The following PEPD variants were observed in gnomAD, a reference collection of about 807,000 sequenced individuals.
PEPD encodes peptidase D, also known as xaa-Pro dipeptidase.
A neutral mutation model predicts 60.7 loss-of-function variants in PEPD; 53 were observed. The observed-to-expected ratio is 0.87, with a 90% CI of 0.70 to 1.10. The LOEUF (loss-of-function observed/expected upper bound fraction) is 1.10, where lower values mean the gene tolerates loss of function less well. Ranked by LOEUF, PEPD falls within the 50% of genes least tolerant of loss-of-function variation. PEPD has a pLI of 0.00. For missense variants in PEPD, 711 were observed against 711.9 expected, an observed-to-expected ratio of 1.00 and a Z score of 0.01; for synonymous variants, 267 against 284.1, an observed-to-expected ratio of 0.94 and a Z score of 0.60.
intron 11 of PEPD, among the ~76,000 whole-genome samples, chr19:33,403,850 C>T (rs1398353757): frequency 6.6e-6 from 1 of 152,192 alleles, no homozygotes; most frequent in Non-Finnish European, 1.5e-5. Flanking sequence ...GGGAGGAGCC[C>T]CGCCTGCATG....
intron 9 of PEPD, among the ~76,000 whole-genome samples, chr19:33,446,036 G>C (rs376988986): frequency 2.0e-5 from 3 of 152,162 alleles, no homozygotes; most frequent in South Asian, 2.1e-4. Context: ...CAGCCTGTTC[G>C]GGATTCATTT....
chr19:33,447,059 C>T (rs773636702), intron 9 of PEPD, among the ~76,000 whole-genome samples: 1 of 152,218 alleles, frequency 6.6e-6, no homozygotes, highest in Non-Finnish European at 1.5e-5. Context: ...AGCTATGGTG[C>T]ACTTCGCCCT....
intron 9 of PEPD, among the ~76,000 whole-genome samples, chr19:33,459,333 C>G (rs188691026): frequency 6.6e-6 from 1 of 152,174 alleles, no homozygotes; most frequent in Non-Finnish European, 1.5e-5. Flanking sequence ...ATACACATCG[C>G]GTTATTAATC....
chr19:33,430,507 G>A (rs568776973), intron 9 of PEPD, among the ~76,000 whole-genome samples: 3 of 152,232 alleles, frequency 2.0e-5, no homozygotes, highest in African/African-American at 7.2e-5. Context: ...ATCAAAGCCC[G>A]TCTGTCTGTG....
chr19:33,411,737 T>A lies in PEPD; in HGVS notation c.753A>T (p.Ser251=), dbSNP rs190681033. The A allele has an allele frequency of 1.9e-6, 3 of 1,606,814 alleles. No individual in the cohort carries two copies. In the Admixed American group the frequency reaches 5.0e-5, roughly 27 times the overall value. Residue 251 remains serine, a synonymous_variant, in exon 11 of 15, where the codon TCA becomes TCT. Coordinates refer to ENST00000244137, the MANE Select transcript of PEPD (RefSeq NM_000285.4). ...CGGCGTGTCCGTAGTGTAGCACGGC[T>A]GAGTTCTCACCACTGCAAAGAGCCG... The part of the protein sequence containing the change: ...YTCICGSGEN[S]AVLHYGHAGA...
intron 9 of PEPD, among the ~76,000 whole-genome samples, chr19:33,438,438 G>A (rs148923583): frequency 0.011 from 1,676 of 152,356 alleles, 25 homozygotes; most frequent in South Asian, 0.071. Context: ...GCAGGTCCAA[G>A]GGTCTCTCTC....
chr19:33,404,125 G>T (rs928965907), intron 11 of PEPD, among the ~76,000 whole-genome samples: 13 of 152,194 alleles, frequency 8.5e-5, no homozygotes, highest in African/African-American at 3.1e-4. Flanking sequence ...AACCTTCACG[G>T]CCTCAGTTTT....
intron 4 of PEPD, among the ~76,000 whole-genome samples, chr19:33,496,834 A>ATT (rs200414662): frequency 0.083 from 12,617 of 152,294 alleles, 719 homozygotes; most frequent in East Asian, 0.24. Context: ...GGGGACAATC[A>ATT]GAGGCTTCCC....
In PEPD at chr19:33,463,150, A is replaced by G. The variant is rs1969960714; in HGVS notation, c.625-109T>C. The stretch of plus-strand genomic sequence containing the variant: ...AAAGCACCTCTTCTTTAAAAAGGAA[A>G]AAAAGAATGATATGTGCATGCAGTG... On this transcript the variant is annotated intron_variant, in intron 8 of 14. Transcript: ENST00000244137. 3.8e-6 allele frequency: 3 copies of G among 793,576 alleles called. No homozygotes were observed. The East Asian group carries it at 7.3e-5, about 19-fold the overall frequency. 49.2% of individuals were successfully genotyped at this position (793,576 alleles called of 1,614,324 possible). A position where few individuals can be genotyped will look rare whatever the true frequency, so the allele number is the denominator to read the frequency against.
At position 33,513,436 on chromosome 19, in the gene PEPD, A is replaced by C. The variant is rs548920480; in HGVS notation, c.18-660T>G. 3.9e-5 allele frequency among the ~76,000 whole-genome samples: 6 copies of C among 152,164 alleles called. No homozygotes were observed. In the South Asian group the frequency reaches 1.2e-3, roughly 32 times the overall value. ...GCCTCCCCCGACACAAAGCACCTGC[A>C]CCTGGACAGTCCCAAAGGCCATCCT... On this transcript the variant is annotated intron_variant, in intron 1 of 14. Coordinates refer to ENST00000244137, the MANE Select transcript of PEPD (RefSeq NM_000285.4).
intron 9 of PEPD, among the ~76,000 whole-genome samples, chr19:33,416,901 T>C (rs935188021): frequency 6.6e-6 from 1 of 152,088 alleles, no homozygotes; most frequent in Non-Finnish European, 1.5e-5. Context: ...TGCCAGGAGA[T>C]GACAAATGGG....
intron 9 of PEPD, among the ~76,000 whole-genome samples, chr19:33,452,015 T>C (rs887910613): frequency 2.0e-5 from 3 of 152,204 alleles, no homozygotes; most frequent in African/African-American, 7.2e-5. Context: ...CTGATTCATG[T>C]ACACCAAAGT....
At position 33,511,020 on chromosome 19, in the gene PEPD, C is replaced by T; in HGVS notation, c.329+8G>A. On this transcript the variant is annotated splice_region_variant and intron_variant, in intron 3 of 14. Transcript: ENST00000244137. The stretch of plus-strand genomic sequence containing the variant: ...TAGCCATGGTGCCCTGGCCAGGCTG[C>T]TCCTTACTTTCCCATCCAGGTGGCA... 1.2e-6 allele frequency: 2 copies of T among 1,612,188 alleles called. No individual in the cohort carries two copies. The highest frequency in any genetic ancestry group is 2.2e-5 in the South Asian group (2 of 90,676).
chr19:33,477,999 T>G lies in PEPD; in HGVS notation c.548+47A>C, dbSNP rs753194722. 40 of 1,379,642 alleles carry G rather than the reference T, an allele frequency of 2.9e-5. No individual in the cohort carries two copies. The African/African-American group carries it at 5.3e-4, about 18-fold the overall frequency. The allele number at this position is 1,379,642 out of a possible 1,614,324, so 85.5% of individuals were successfully genotyped here. Reference sequence around the variant, plus strand: ...GGAACAACAGGGCATTCCATCCCCATGAGCCGAGCACAACAAACAGGCAAG... The same window carrying G: ...GGAACAACAGGGCATTCCATCCCCAGGAGCCGAGCACAACAAACAGGCAAG... On this transcript the variant is annotated intron_variant, in intron 7 of 14. Transcript: ENST00000244137.
chr19:33,489,573 G>A (rs562866506), intron 6 of PEPD, among the ~76,000 whole-genome samples: 1 of 152,074 alleles, frequency 6.6e-6, no homozygotes, highest in South Asian at 2.1e-4. Context: ...AGGTTGCAGT[G>A]AGCCAAGATC....
chr19:33,477,506 G>GGGAT (rs1970239358), intron 7 of PEPD, among the ~76,000 whole-genome samples: 1 of 152,212 alleles, frequency 6.6e-6, no homozygotes, highest in South Asian at 2.1e-4. Context: ...GTGGCACACT[G>GGGAT]GGATGCGAGG....
intron 12 of PEPD, among the ~76,000 whole-genome samples, chr19:33,400,022 T>C (rs1968452451): frequency 6.6e-6 from 1 of 152,182 alleles, no homozygotes; most frequent in Non-Finnish European, 1.5e-5. Context: ...GCCTGCATCC[T>C]GGACTCTGAA....
At chr19:33,450,986 T>A (rs1431079129) in intron 9 of PEPD, among the ~76,000 whole-genome samples, 1 of 152,192 alleles carries the variant, frequency 6.6e-6, no homozygotes. Context: ...AACCCCTCCC[T>A]AAAAATGTCT....
intron 3 of PEPD, among the ~76,000 whole-genome samples, chr19:33,503,659 T>C (rs967065443): frequency 6.6e-6 from 1 of 152,144 alleles, no homozygotes; most frequent in Non-Finnish European, 1.5e-5. Flanking sequence ...GGCAGGGCCA[T>C]CAGCGAAATG....
Sources: gnomAD v4.1 joint callset for allele counts (sites outside exome capture counted in the v4.1 genomes callset) on GRCh38, gnomAD v4.1.1 for gene constraint, MANE v1.5 for transcripts, NCBI Gene and HGNC (gene_info 2026-07-23, HGNC 2026-07-21) for gene names.